Variants in ZNF793 observed in about 807,000 individuals in gnomAD.
ZNF793 encodes zinc finger protein 793.
A neutral mutation model predicts 12.4 loss-of-function variants in ZNF793; 5 were observed. The ratio of observed to expected loss-of-function variants is 0.40; its 90% CI spans 0.21 to 0.84. The LOEUF (loss-of-function observed/expected upper bound fraction) is 0.84, where lower values mean the gene tolerates loss of function less well. Among genes scored for constraint, ZNF793 ranks in the 40% least tolerant of loss-of-function variants. The pLI, the probability that ZNF793 is intolerant of heterozygous loss-of-function variation, is 0.35. For synonymous variants in ZNF793, 162 were observed against 172.4 expected, an observed-to-expected ratio of 0.94 and a Z score of 0.47; for missense variants, 456 against 495.0, an observed-to-expected ratio of 0.92 and a Z score of 0.75.
At chr19:37,506,995 T>A (rs1159698584) in intron 1 of ZNF793, 29 bp downstream of exon 1, 1 of 152,120 alleles carries the variant, frequency 6.6e-6, no homozygotes, top group East Asian at 1.9e-4. Context: ...ACGACCAATT[T>A]CAGATTCAGG....
At chr19:37,528,902 C>G (rs1229471331) in intron 5 of ZNF793, among the ~76,000 whole-genome samples, 2 of 152,308 alleles carry the variant, frequency 1.3e-5, no homozygotes, top group Admixed American at 1.3e-4. Context: ...CACTTTTGTG[C>G]TGATGCTCAG....
At position 37,511,406 on chromosome 19, in the gene ZNF793, C is replaced by T. The variant is rs537385116; in HGVS notation, c.-276+3003C>T. ...ACAAAATTCTAAGCTGAATGCCGGG[C>T]GTGGTGGCTCATGCCTGTAATCCCA... On this transcript the variant is annotated intron_variant, in intron 2 of 7. Transcript: ENST00000627814. Among the ~76,000 whole-genome samples the T allele has an allele frequency of 5.1e-4, 78 of 152,164 alleles. 2 individuals carry two copies. In the South Asian group the frequency reaches 0.015, roughly 28 times the overall value.
At chr19:37,521,483 T>C (rs1276619384) in intron 3 of ZNF793, among the ~76,000 whole-genome samples, 1 of 146,366 alleles carries the variant, frequency 6.8e-6, no homozygotes. Context: ...TTGCCCAGGC[T>C]GGAGTGCAAT....
intron 2 of ZNF793, among the ~76,000 whole-genome samples, chr19:37,515,111 C>G (rs2042320843): frequency 6.6e-6 from 1 of 152,092 alleles, no homozygotes; most frequent in Admixed American, 6.6e-5. Flanking sequence ...GAGTGCCTGC[C>G]AGTGCAGTTA....
chr19:37,507,732 G>T (rs1015235663), intron 1 of ZNF793, among the ~76,000 whole-genome samples: 1 of 152,172 alleles, frequency 6.6e-6, no homozygotes, highest in Non-Finnish European at 1.5e-5. Context: ...CTCAGTCGTT[G>T]GGATATCATT....
At chr19:37,511,855 T>C (rs1301354806) in intron 2 of ZNF793, among the ~76,000 whole-genome samples, 2 of 151,988 alleles carry the variant, frequency 1.3e-5, no homozygotes, top group Non-Finnish European at 2.9e-5. Flanking sequence ...CAGTAGGTAG[T>C]TTGGAGGGGG....
intron 5 of ZNF793, among the ~76,000 whole-genome samples, chr19:37,525,047 C>G (rs1196784786): frequency 6.6e-6 from 1 of 152,100 alleles, no homozygotes; most frequent in Non-Finnish European, 1.5e-5. Context: ...CCTAACTCTT[C>G]TGTTGCTTGC....
At chr19:37,527,910 G>A (rs1240780384) in intron 5 of ZNF793, among the ~76,000 whole-genome samples, 1 of 151,926 alleles carries the variant, frequency 6.6e-6, no homozygotes, top group African/African-American at 2.4e-5. Flanking sequence ...CTTGAGGTCA[G>A]GAGTTTGAGA....
chr19:37,517,329 G>T (rs2042340233), intron 2 of ZNF793, among the ~76,000 whole-genome samples: 1 of 151,954 alleles, frequency 6.6e-6, no homozygotes, highest in African/African-American at 2.4e-5. Flanking sequence ...AGCTGGAGGT[G>T]CCTGTAATCC....
intron 4 of ZNF793, among the ~76,000 whole-genome samples, 188 bp downstream of exon 4, chr19:37,522,835 A>C (rs2042386018): frequency 6.6e-6 from 1 of 152,086 alleles, no homozygotes; most frequent in African/African-American, 2.4e-5. Context: ...CACTTGACTA[A>C]GTGATACTGC....
rs2147124809 is a variant in ZNF793 at position 37,542,746 on chromosome 19, A to G, written c.*4867A>G. The G allele has an allele frequency of 5.9e-6, 1 of 168,130 alleles. No individual in the cohort carries two copies. Among genetic ancestry groups the G allele is most frequent in the South Asian group, 1.4e-4 (1 of 7,032 alleles). 10.4% of individuals were successfully genotyped at this position (168,130 alleles called of 1,614,324 possible). ...AGTGAAAAATGCAAGGTAGATATTA[A>G]GTATGTTAAATATGACTCCATTTTT... is the stretch of plus-strand genomic sequence containing the variant. On this transcript the variant is annotated 3_prime_UTR_variant, in exon 8 of 8. Coordinates refer to ENST00000627814, the MANE Select transcript of ZNF793 (RefSeq NM_001013659.3).
At chr19:37,528,077 C>T (rs181377650) in intron 5 of ZNF793, among the ~76,000 whole-genome samples, 18 of 152,096 alleles carry the variant, frequency 1.2e-4, no homozygotes, top group South Asian at 8.3e-4. Context: ...TGCAGTGAGC[C>T]GAGACTGCGC....
intron 2 of ZNF793, among the ~76,000 whole-genome samples, chr19:37,515,837 C>T (rs1600406695): frequency 6.6e-6 from 1 of 152,122 alleles, no homozygotes; most frequent in South Asian, 2.1e-4. Flanking sequence ...TCAGTATTTT[C>T]TTATATGAAT....
chr19:37,526,948 CT>C (rs1296287166), intron 5 of ZNF793, among the ~76,000 whole-genome samples: 2 of 152,142 alleles, frequency 1.3e-5, no homozygotes, highest in African/African-American at 4.8e-5. Flanking sequence ...GTTTTCCTTT[CT>C]TTTTTTCTTT....
chr19:37,531,765 G>A (rs2042463067), intron 5 of ZNF793, among the ~76,000 whole-genome samples: 1 of 152,064 alleles, frequency 6.6e-6, no homozygotes, highest in African/African-American at 2.4e-5. Context: ...TTTACATGTT[G>A]CTCTCTCTGT....
chr19:37,510,315 G>A (rs888504897), intron 2 of ZNF793, among the ~76,000 whole-genome samples: 2 of 150,890 alleles, frequency 1.3e-5, no homozygotes, highest in Non-Finnish European at 2.9e-5. Context: ...GACCAGCCTG[G>A]CCAACATGGT....
At chr19:37,508,586 G>A (rs1210015283) in intron 2 of ZNF793, among the ~76,000 whole-genome samples, 183 bp downstream of exon 2, 1 of 152,016 alleles carries the variant, frequency 6.6e-6, no homozygotes, top group Non-Finnish European at 1.5e-5. Context: ...GGCGCCTGAG[G>A]TCCCAGCTAC....
intron 2 of ZNF793, among the ~76,000 whole-genome samples, chr19:37,509,716 A>G (rs1384899184): frequency 6.6e-6 from 1 of 152,240 alleles, no homozygotes; most frequent in Non-Finnish European, 1.5e-5. Flanking sequence ...GCAAATAATT[A>G]AAAAGAAATT....
At chr19:37,536,300 G>A (rs148362437) in intron 7 of ZNF793, 287 of 396,072 alleles carry the variant, frequency 7.2e-4, no homozygotes, top group African/African-American at 5.3e-3. Context: ...TGGAATCACC[G>A]GGGCATCTTG....
Sources: gnomAD v4.1 joint callset for allele counts (sites outside exome capture counted in the v4.1 genomes callset) on GRCh38, gnomAD v4.1.1 for gene constraint, MANE v1.5 for transcripts, NCBI Gene and HGNC (gene_info 2026-07-23, HGNC 2026-07-21) for gene names.